The following LRRC4 variants were observed in gnomAD, a reference collection of about 807,000 sequenced individuals.
LRRC4 encodes leucine-rich repeat-containing protein 4.
Under a neutral mutation model 37.9 loss-of-function variants are expected in LRRC4, and 11 were observed. That is an observed-to-expected ratio of 0.29 (90% CI 0.18 to 0.48). LRRC4 has a LOEUF of 0.48. LRRC4 is among the 20% of genes least tolerant of loss of function. LRRC4 has a pLI of 0.99. For missense variants in LRRC4, 717 were observed against 842.1 expected (o/e 0.85, Z 1.84); for synonymous variants, 404 against 346.7 (o/e 1.17, Z -1.84).
chr7:128,030,601 A>T lies in LRRC4; in HGVS notation c.40T>A (p.Trp14Arg). Residue 14 changes from tryptophan to arginine, a missense_variant, in exon 2 of 2, where the codon TGG becomes AGG. By Grantham distance (101) the Trp-to-Arg change is moderately radical. Around this residue, in one of 5 missense-constraint regions of LRRC4, gnomAD observed 127 missense variants for 134.8 expected, o/e 0.94. Transcript: ENST00000249363. ...LWQVTVHHHT[W>R]NAILLPFVYL... ...ACGAACGGGAGCAGGATGGCATTCC[A>T]GGTGTGGTGGTGCACAGTTACCTGC... 1 of 1,591,396 alleles carries T rather than the reference A, an allele frequency of 6.3e-7. No individual in the cohort carries two copies. The highest frequency in any genetic ancestry group is 8.6e-7 in the Non-Finnish European group (1 of 1,165,878).
rs760896251 is a variant in LRRC4, at chr7:128,029,456, G to A, written c.1185C>T (p.Ala395=). 2 of 1,614,194 alleles carry A rather than the reference G, an allele frequency of 1.2e-6. No homozygotes were observed. Among genetic ancestry groups the A allele is most frequent in the Non-Finnish European group, 1.7e-6 (2 of 1,180,038 alleles). Residue 395 remains alanine (A), a synonymous_variant, in exon 2 of 2, where the codon GCC becomes GCT. Coordinates refer to ENST00000249363, the MANE Select transcript of LRRC4 (RefSeq NM_022143.5). This position sits in a 1 kb window ranked among gnomAD's most constrained non-coding sequence, Gnocchi z 4.2. ...LLPNGTVLSH[A]SRHPRISVLN... is the part of the protein sequence containing the mutation. ...GGACAGAGATCCTTGGGTGGCGGGA[G>A]GCGTGGCTGAGCACTGTCCCATTGG...
Position 128,029,232 on chromosome 7 carries a change from G to C in LRRC4, c.1409C>G (p.Thr470Arg), listed in dbSNP as rs564369603. ...GGTAGGAACAGGCTTGTACTTTCGC[G>C]TTGTGTCCTCAGGCGAGATCTCCGT... ...ETTEISPEDT[T>R]RKYKPVPTTS... The change falls in exon 2 of 2, where the codon ACG becomes AGG. Residue 470 changes from threonine (T) to arginine (R), a missense_variant. By Grantham distance (71) the Thr-to-Arg change is moderately conservative (BLOSUM62 -1). Transcript: ENST00000249363. This position sits in a 1 kb window ranked among gnomAD's most constrained non-coding sequence, Gnocchi z 4.2. 1 of 1,614,148 alleles carries C rather than the reference G, an allele frequency of 6.2e-7. No homozygotes were observed. Among genetic ancestry groups the C allele is most frequent in the Non-Finnish European group, 8.5e-7 (1 of 1,180,038 alleles).
In LRRC4 at chr7:128,030,440, G is replaced by A. The variant is rs369440445; in HGVS notation, c.201C>T (p.Ser67=). ...TCGAGGGAATACCCTGCGGGACCTC[G>A]GAGAGGCCCCGGCGCGTGCACACCA... ...SKVVCTRRGL[S]EVPQGIPSNT... is the part of the protein sequence containing the mutation. The change falls in exon 2 of 2, where the codon TCC becomes TCT. Residue 67 remains serine (S), a synonymous_variant. Transcript: ENST00000249363. The A allele has an allele frequency of 5.1e-5, 83 of 1,613,682 alleles. No homozygotes were observed. Among genetic ancestry groups the A allele is most frequent in the Admixed American group, 6.7e-5 (4 of 60,008 alleles).
chr7:128,028,454 G>C lies in LRRC4; in HGVS notation c.*225C>G. 2.2e-6 allele frequency: 1 copy of C among 453,784 alleles called. No homozygotes were observed. The allele number at this position is 453,784 out of a possible 1,614,324, so 28.1% of individuals were successfully genotyped here. ...TAACTTGTGGCTTGTACCCCACAAC[G>C]TTCCCAAGATTCCCCCCCACCCCCT... On this transcript the variant is annotated 3_prime_UTR_variant, in exon 2 of 2. Coordinates refer to ENST00000249363, the MANE Select transcript of LRRC4 (RefSeq NM_022143.5).
chr7:128,030,593 G>A lies in LRRC4; in HGVS notation c.48C>T (p.Ala16=), dbSNP rs150427438. ...QVTVHHHTWN[A]ILLPFVYLTA... is the part of the protein sequence containing the mutation. ...TGAGGTAGACGAACGGGAGCAGGAT[G>A]GCATTCCAGGTGTGGTGGTGCACAG... is the stretch of plus-strand genomic sequence containing the variant. Residue 16 remains alanine (A), a synonymous_variant, in exon 2 of 2, where the codon GCC becomes GCT. Coordinates refer to ENST00000249363, the MANE Select transcript of LRRC4 (RefSeq NM_022143.5). The A allele has an allele frequency of 1.2e-4, 193 of 1,596,602 alleles. 1 individual carries two copies. In the South Asian group the frequency reaches 1.6e-3, roughly 13 times the overall value.
At chr7:128,031,491 C>G (rs1792600849), upstream of LRRC4, 1 of 151,630 alleles carries the variant, frequency 6.6e-6, no homozygotes, top group South Asian at 2.1e-4. Context: ...CGCCTTCGCC[C>G]TCCCCAGACA....
At position 128,028,447 on chromosome 7, in the gene LRRC4, C is replaced by A; in HGVS notation, c.*232G>T. On this transcript the variant is annotated 3_prime_UTR_variant, in exon 2 of 2. Coordinates refer to ENST00000249363, the MANE Select transcript of LRRC4 (RefSeq NM_022143.5). ...AGCAAGTTAACTTGTGGCTTGTACC[C>A]CACAACGTTCCCAAGATTCCCCCCC... 1 of 453,590 alleles carries A rather than the reference C, an allele frequency of 2.2e-6. No individual in the cohort carries two copies. The highest frequency in any genetic ancestry group is 3.9e-5 in the Admixed American group (1 of 25,346). 28.1% of individuals were successfully genotyped at this position (453,590 alleles called of 1,614,324 possible).
Position 128,030,525 on chromosome 7 carries a change from G to A in LRRC4, c.116C>T (p.Ala39Val), listed in dbSNP as rs377002702. 8.1e-6 allele frequency: 13 copies of A among 1,613,292 alleles called. No homozygotes were observed. Among genetic ancestry groups the A allele is most frequent in the Non-Finnish European group, 1.0e-5 (12 of 1,179,944 alleles). ...GGGGCAGTTCTGGGGCCCGGCTGAG[G>A]CGGCAGCAGCGATGGCTGCACACAG... ...WILCAAIAAA[A>V]SAGPQNCPSV... Residue 39 changes from alanine to valine, a missense_variant, in exon 2 of 2, where the codon GCC (alanine) becomes GTC (valine). Ala to Val is a moderately conservative substitution (Grantham distance 64, BLOSUM62 0). This residue lies in a region of LRRC4 where 127 missense variants were observed against 134.8 expected (regional missense o/e 0.94). Transcript: ENST00000249363.
chr7:128,030,769 T>G, intron 1 of LRRC4, 29 bp from the exon 2 acceptor site: 2 of 1,214,538 alleles, frequency 1.6e-6, no homozygotes, highest in South Asian at 1.6e-5. Flanking sequence ...AGGGGGCGAT[T>G]AGAGAGACGG....
chr7:128,028,862 C>T lies in LRRC4; in HGVS notation c.1779G>A (p.Glu593=). Reference sequence around the variant, plus strand: ...GAATTGTGGGCAGCACTACTGCCCCCTCACCTGATACACCGGACGGAGCTG... The same window carrying T: ...GAATTGTGGGCAGCACTACTGCCCCTTCACCTGATACACCGGACGGAGCTG... ...ATAAPSGVSG[E]GAVVLPTIHD... The change falls in exon 2 of 2, where the codon GAG becomes GAA. Residue 593 remains glutamate, a synonymous_variant. Transcript: ENST00000249363. 1 of 1,614,198 alleles carries T rather than the reference C, an allele frequency of 6.2e-7. No homozygotes were observed. Among genetic ancestry groups the T allele is most frequent in the Non-Finnish European group, 8.5e-7 (1 of 1,180,032 alleles).
At position 128,029,254 on chromosome 7, in the gene LRRC4, C is replaced by T; in HGVS notation, c.1387G>A (p.Glu463Lys). 1 of 1,614,146 alleles carries T rather than the reference C, an allele frequency of 6.2e-7. No homozygotes were observed. Among genetic ancestry groups the T allele is most frequent in the Non-Finnish European group, 8.5e-7 (1 of 1,180,038 alleles). Residue 463 changes from glutamate to lysine, a missense_variant, in exon 2 of 2, where the codon GAG becomes AAG. Glu to Lys is a moderately conservative substitution (Grantham distance 56, BLOSUM62 1). Coordinates refer to ENST00000249363, the MANE Select transcript of LRRC4 (RefSeq NM_022143.5). The surrounding 1 kb of genome is among the most constrained non-coding windows in gnomAD (Gnocchi z 4.2). The stretch of plus-strand genomic sequence containing the variant: ...CGCGTTGTGTCCTCAGGCGAGATCT[C>T]CGTGGTCTCCACTGTTACTGTGGTG... Reference protein sequence around the residue: ...FFTTVTVETTEISPEDTTRKY... With the variant: ...FFTTVTVETTKISPEDTTRKY...
chr7:128,028,591 C>T lies in LRRC4; in HGVS notation c.*88G>A. On this transcript the variant is annotated 3_prime_UTR_variant, in exon 2 of 2. Transcript: ENST00000249363. ...CATAGACTTAATATATAAGCATATACAAGAAAAAGTCTCTCCCCACTCTGT... is the reference window on the plus strand; with the variant it reads ...CATAGACTTAATATATAAGCATATATAAGAAAAAGTCTCTCCCCACTCTGT... 2.4e-6 allele frequency: 3 copies of T among 1,250,230 alleles called. No individual in the cohort carries two copies. The highest frequency in any genetic ancestry group is 3.4e-6 in the Non-Finnish European group (3 of 894,876). The allele number at this position is 1,250,230 out of a possible 1,614,324, so 77.4% of individuals were successfully genotyped here.
Position 128,030,980 on chromosome 7 carries a change from C to G in LRRC4, c.-168G>C, listed in dbSNP as rs531074627. ...CTTTCTCCACGGGAGCTGGGCACCT[C>G]GTTCCCATTCCGACTTCTTAGTTTT... On this transcript the variant is annotated 5_prime_UTR_variant, in exon 1 of 2. Transcript: ENST00000249363. The G allele has an allele frequency of 1.8e-5, 3 of 169,136 alleles. No individual in the cohort carries two copies. Among genetic ancestry groups the G allele is most frequent in the East Asian group, 1.5e-4 (1 of 6,628 alleles). The allele number at this position is 169,136 out of a possible 1,614,324, so 10.5% of individuals were successfully genotyped here.
rs141403674 is a variant in LRRC4, at chr7:128,028,443, T to C, written c.*236A>G. 226 of 442,380 alleles carry C rather than the reference T, an allele frequency of 5.1e-4. No homozygotes were observed. Among genetic ancestry groups the C allele is most frequent in the Non-Finnish European group, 9.2e-5 (23 of 250,718 alleles). The allele number at this position is 442,380 out of a possible 1,614,324, so 27.4% of individuals were successfully genotyped here. On this transcript the variant is annotated 3_prime_UTR_variant, in exon 2 of 2. Transcript: ENST00000249363. ...GCATAGCAAGTTAACTTGTGGCTTG[T>C]ACCCCACAACGTTCCCAAGATTCCC... is the stretch of plus-strand genomic sequence containing the variant.
rs1161149483 is a variant in LRRC4 at position 128,030,667 on chromosome 7, C to T, written c.-27G>A. 4.6e-6 allele frequency: 7 copies of T among 1,524,744 alleles called. No individual in the cohort carries two copies. Among genetic ancestry groups the T allele is most frequent in the East Asian group, 4.6e-5 (2 of 43,806 alleles). 94.5% of individuals were successfully genotyped at this position (1,524,744 alleles called of 1,614,324 possible). Reference sequence around the variant, plus strand: ...GTGTGGCACGTTCATAATTCACCATCGCCTGGGATTTTGGCTCGGAAAGGA... The same window carrying T: ...GTGTGGCACGTTCATAATTCACCATTGCCTGGGATTTTGGCTCGGAAAGGA... On this transcript the variant is annotated 5_prime_UTR_variant, in exon 2 of 2. Transcript: ENST00000249363.
Position 128,028,431 on chromosome 7 carries a change from A to G in LRRC4, c.*248T>C, listed in dbSNP as rs1803541292. 1 of 394,198 alleles carries G rather than the reference A, an allele frequency of 2.5e-6. No homozygotes were observed. Among genetic ancestry groups the G allele is most frequent in the African/African-American group, 2.1e-5 (1 of 48,534 alleles). The allele number at this position is 394,198 out of a possible 1,614,324, so 24.4% of individuals were successfully genotyped here. On this transcript the variant is annotated 3_prime_UTR_variant, in exon 2 of 2. Transcript: ENST00000249363. ...TCCCTTCTGGCAGCATAGCAAGTTA[A>G]CTTGTGGCTTGTACCCCACAACGTT...
At position 128,028,671 on chromosome 7, in the gene LRRC4, G is replaced by T. The variant is rs1377133474; in HGVS notation, c.*8C>A. The T allele has an allele frequency of 2.5e-6, 4 of 1,599,778 alleles. No homozygotes were observed. The highest frequency in any genetic ancestry group is 1.7e-5 in the Admixed American group (1 of 58,320). The stretch of plus-strand genomic sequence containing the variant: ...ATTGCATTTTATAAGTTTTTTGGGG[G>T]AGGGGAGTCATATTTGAGTTTCCTG... On this transcript the variant is annotated 3_prime_UTR_variant, in exon 2 of 2. Coordinates refer to ENST00000249363, the MANE Select transcript of LRRC4 (RefSeq NM_022143.5).
At position 128,030,584 on chromosome 7, in the gene LRRC4, G is replaced by A. The variant is rs760044908; in HGVS notation, c.57C>T (p.Leu19=). The part of the protein sequence containing the change: ...VHHHTWNAIL[L]PFVYLTAQVW... ...CTTGCGCCGTGAGGTAGACGAACGG[G>A]AGCAGGATGGCATTCCAGGTGTGGT... is the stretch of plus-strand genomic sequence containing the variant. The change falls in exon 2 of 2, where the codon CTC becomes CTT. Residue 19 remains leucine, a synonymous_variant. Transcript: ENST00000249363. The A allele has an allele frequency of 1.4e-5, 23 of 1,602,034 alleles. No individual in the cohort carries two copies. Among genetic ancestry groups the A allele is most frequent in the Admixed American group, 6.7e-5 (4 of 59,474 alleles).
chr7:128,028,913 T>G lies in LRRC4; in HGVS notation c.1728A>C (p.Pro576=), dbSNP rs1443902198. The change falls in exon 2 of 2, where the codon CCA becomes CCC. Residue 576 remains proline (P), a synonymous_variant. Transcript: ENST00000249363. ...VEIIQVDEDI[P]AATSAAATAA... ...CTGTTGCTGCTGCGGATGTTGCTGC[T>G]GGGATGTCTTCGTCCACCTGGATTA... is the stretch of plus-strand genomic sequence containing the variant. The G allele has an allele frequency of 6.2e-7, 1 of 1,612,830 alleles. No individual in the cohort carries two copies. Among genetic ancestry groups the G allele is most frequent in the Non-Finnish European group, 8.5e-7 (1 of 1,179,200 alleles).
Sources: allele counts gnomAD v4.1 joint callset, GRCh38; gene constraint gnomAD v4.1.1; regional missense constraint gnomAD v4.1.1; non-coding constraint Gnocchi (gnomAD v3.1); transcripts MANE v1.5; gene names NCBI Gene and HGNC (gene_info 2026-07-23, HGNC 2026-07-21).